The following PPP1R12A variants were observed in gnomAD, a reference collection of about 807,000 sequenced individuals.
PPP1R12A encodes myosin binding subunit.
PPP1R12A carries 19 observed loss-of-function variants against 139.6 expected under a neutral mutation model. The observed-to-expected ratio is 0.14, with a 90% CI of 0.09 to 0.20. The LOEUF (loss-of-function observed/expected upper bound fraction) is 0.20. Among genes scored for constraint, PPP1R12A ranks in the 10% least tolerant of loss-of-function variants. The probability of loss-of-function intolerance (pLI) is 1.00; values close to 1 mark genes in which losing one functional copy is unlikely to be tolerated. For missense variants in PPP1R12A, 925 were observed against 1,211.5 expected, an observed-to-expected ratio of 0.76 and a Z score of 3.51; for synonymous variants, 427 against 420.6, an observed-to-expected ratio of 1.02 and a Z score of -0.19.
chr12:79,850,587 T>A (rs545162292), intron 2 of PPP1R12A, among the ~76,000 whole-genome samples: 1 of 152,364 alleles, frequency 6.6e-6, no homozygotes, highest in Admixed American at 6.5e-5. Context: ...AAGAGCTAAA[T>A]ATATTTAGTG....
chr12:79,899,642 C>A (rs1885453040), intron 1 of PPP1R12A, among the ~76,000 whole-genome samples: 1 of 152,112 alleles, frequency 6.6e-6, no homozygotes, highest in Admixed American at 6.5e-5. Flanking sequence ...CTGATAAACA[C>A]CTGGGCTATT....
At chr12:79,799,522 G>C (rs1352208251) in intron 14 of PPP1R12A, among the ~76,000 whole-genome samples, 1 of 152,094 alleles carries the variant, frequency 6.6e-6, no homozygotes, top group Non-Finnish European at 1.5e-5. Context: ...ACTTTTGAGT[G>C]CTCTAAAAAA....
At chr12:79,890,242 C>T (rs1884465405) in intron 1 of PPP1R12A, among the ~76,000 whole-genome samples, 2 of 152,072 alleles carry the variant, frequency 1.3e-5, no homozygotes, top group African/African-American at 4.8e-5. Flanking sequence ...GGTTGAAAAA[C>T]TCATACAAAG....
Position 79,809,863 on chromosome 12 carries a change from C to T in PPP1R12A, c.1387G>A (p.Asp463Asn). 2 of 1,613,470 alleles carry T rather than the reference C, an allele frequency of 1.2e-6. No individual in the cohort carries two copies. The highest frequency in any genetic ancestry group is 1.7e-6 in the Non-Finnish European group (2 of 1,179,658). Reference sequence around the variant, plus strand: ...GCTGAACGTGTAACACCTGCAGTATCTTTTTCTTTCTGACCCTCTTTAGAT... The same window carrying T: ...GCTGAACGTGTAACACCTGCAGTATTTTTTTCTTTCTGACCCTCTTTAGAT... ...TASKEGQKEK[D>N]TAGVTRSASS... The change falls in exon 10 of 25, where the codon GAT becomes AAT. Residue 463 changes from aspartate to asparagine, a missense_variant. Asp to Asn is a conservative substitution (Grantham distance 23). This residue lies in a region of PPP1R12A where 403 missense variants were observed against 463.7 expected (regional missense o/e 0.87). Coordinates refer to ENST00000450142, the MANE Select transcript of PPP1R12A (RefSeq NM_002480.3).
rs1037298139 is a variant in PPP1R12A at position 79,935,057 on chromosome 12, C to G, written c.-126G>C. The G allele has an allele frequency of 3.1e-5, 44 of 1,402,986 alleles. No individual in the cohort carries two copies. The highest frequency in any genetic ancestry group is 5.5e-5 in the East Asian group (2 of 36,194). 86.9% of individuals were successfully genotyped at this position (1,402,986 alleles called of 1,614,324 possible). A position where few individuals can be genotyped will look rare whatever the true frequency, so the allele number is the denominator to read the frequency against. ...GCGGGCCAGAGGAGGGCTGGGAACC[C>G]GGAGCCGACGCTCGAGACTTCCAGT... On this transcript the variant is annotated 5_prime_UTR_variant, in exon 1 of 25. Transcript: ENST00000450142.
At chr12:79,917,378 G>A (rs1359005585) in intron 1 of PPP1R12A, among the ~76,000 whole-genome samples, 4 of 151,374 alleles carry the variant, frequency 2.6e-5, no homozygotes, top group Non-Finnish European at 4.4e-5. Flanking sequence ...CCAGCTACTC[G>A]GGAGGCTGAG....
chr12:79,786,838 A>AT (rs1871194724), intron 21 of PPP1R12A: 1 of 156,620 alleles, frequency 6.4e-6, no homozygotes, highest in Non-Finnish European at 1.4e-5. Context: ...AGTCCGTGAG[A>AT]TTTTCTGCCC....
intron 2 of PPP1R12A, among the ~76,000 whole-genome samples, chr12:79,859,670 C>T (rs1431740332): frequency 2.0e-5 from 3 of 151,860 alleles, no homozygotes; most frequent in African/African-American, 2.4e-5. Context: ...TTAAGGAGGC[C>T]GAAGCAGAAG....
intron 1 of PPP1R12A, among the ~76,000 whole-genome samples, chr12:79,912,052 T>C (rs1425361367): frequency 1.3e-5 from 2 of 152,166 alleles, no homozygotes; most frequent in African/African-American, 4.8e-5. Context: ...ACTGGCCTTC[T>C]AGTTCCTCTG....
At chr12:79,822,087 T>A (rs1362012348) in intron 6 of PPP1R12A, 29 bp downstream of exon 6, 1 of 1,362,952 alleles carries the variant, frequency 7.3e-7, no homozygotes, top group Non-Finnish European at 1.0e-6. Flanking sequence ...AGGTAAGTAA[T>A]ATAGGCAATT....
chr12:79,900,661 T>C (rs923168742), intron 1 of PPP1R12A, among the ~76,000 whole-genome samples: 6 of 152,202 alleles, frequency 3.9e-5, no homozygotes, highest in African/African-American at 1.4e-4. Flanking sequence ...ACCATCAGAA[T>C]GGTAATTCTC....
At chr12:79,817,883 G>A (rs1185427881) in intron 8 of PPP1R12A, among the ~76,000 whole-genome samples, 1 of 152,152 alleles carries the variant, frequency 6.6e-6, no homozygotes, top group Non-Finnish European at 1.5e-5. Flanking sequence ...ATTTTCTAAT[G>A]GATAAACAAC....
chr12:79,911,454 G>A (rs1280765240), intron 1 of PPP1R12A, among the ~76,000 whole-genome samples: 1 of 152,062 alleles, frequency 6.6e-6, no homozygotes. Flanking sequence ...GAGGGTGGAG[G>A]GTGGGAGAAG....
intron 22 of PPP1R12A, among the ~76,000 whole-genome samples, chr12:79,785,363 C>T (rs1870980091): frequency 6.6e-6 from 1 of 152,016 alleles, no homozygotes; most frequent in African/African-American, 2.4e-5. Flanking sequence ...TACAACACAA[C>T]AATGGTTAAA....
chr12:79,826,277 T>C (rs1876741552), intron 5 of PPP1R12A, among the ~76,000 whole-genome samples: 1 of 151,640 alleles, frequency 6.6e-6, no homozygotes, highest in African/African-American at 2.4e-5. Context: ...TTAGGTAATA[T>C]GTGTAAAAAA....
intron 3 of PPP1R12A, among the ~76,000 whole-genome samples, chr12:79,844,790 A>G (rs532026038): frequency 2.0e-5 from 3 of 152,012 alleles, no homozygotes; most frequent in African/African-American, 7.2e-5. Flanking sequence ...CTGTGACCTC[A>G]TCTCCTTCCT....
At chr12:79,805,857 T>C in intron 13 of PPP1R12A, 89 bp from the exon 14 acceptor site, 1 of 1,332,534 alleles carries the variant, frequency 7.5e-7, no homozygotes, top group Non-Finnish European at 1.0e-6. Flanking sequence ...AACACATGAC[T>C]ACAGGGATGG....
At position 79,775,845 on chromosome 12, in the gene PPP1R12A, C is replaced by A. The variant is rs548219975; in HGVS notation, c.*84G>T. 3.4e-6 allele frequency: 3 copies of A among 890,808 alleles called. No individual in the cohort carries two copies. Among genetic ancestry groups the A allele is most frequent in the Non-Finnish European group, 4.9e-6 (3 of 615,484 alleles). The allele number at this position is 890,808 out of a possible 1,614,324, so 55.2% of individuals were successfully genotyped here. On this transcript the variant is annotated 3_prime_UTR_variant, in exon 25 of 25. Transcript: ENST00000450142. ...CCGAAAATGACAGTCTCCAAGGATT[C>A]TTCCCAGACTTCCAGTGACTGCCAA...
chr12:79,880,020 A>AT (rs749572783), intron 1 of PPP1R12A, among the ~76,000 whole-genome samples: 1 of 152,006 alleles, frequency 6.6e-6, no homozygotes, highest in South Asian at 2.1e-4. Flanking sequence ...CTCTGAAAAC[A>AT]TTTTTTTCCC....
Sources: allele counts gnomAD v4.1 joint callset (sites outside exome capture counted in the v4.1 genomes callset), GRCh38; gene constraint gnomAD v4.1.1; regional missense constraint gnomAD v4.1.1; transcripts MANE v1.5; gene names NCBI Gene and HGNC (gene_info 2026-07-23, HGNC 2026-07-21).